Variants in CAMK2D observed in about 807,000 individuals in gnomAD.
CAMK2D encodes calcium/calmodulin dependent protein kinase II delta.
CAMK2D carries 37 observed loss-of-function variants against 84.0 expected under a neutral mutation model. That is an observed-to-expected ratio of 0.44 (90% confidence interval 0.34 to 0.58). The LOEUF (loss-of-function observed/expected upper bound fraction) is 0.58, where lower values mean the gene tolerates loss of function less well. CAMK2D is among the 20% of genes least tolerant of loss of function. The pLI is 0.02. For missense variants in CAMK2D, 448 were observed against 652.5 expected (o/e 0.69, Z 3.41); for synonymous variants, 202 against 212.5 (o/e 0.95, Z 0.43).
chr4:113,515,769 C>T (rs2098276060), intron 9 of CAMK2D, among the ~76,000 whole-genome samples: 1 of 152,200 alleles, frequency 6.6e-6, no homozygotes, highest in South Asian at 2.1e-4. Flanking sequence ...ACAGGAGCTT[C>T]AGCAAGATTT....
At chr4:113,599,615 C>T (rs979840403) in intron 4 of CAMK2D, among the ~76,000 whole-genome samples, 2 of 152,058 alleles carry the variant, frequency 1.3e-5, no homozygotes, top group African/African-American at 4.8e-5. Context: ...GTTGAAAACC[C>T]TTGTATAACT....
intron 2 of CAMK2D, among the ~76,000 whole-genome samples, chr4:113,730,498 G>C (rs916487338): frequency 6.6e-6 from 1 of 152,098 alleles, no homozygotes; most frequent in African/African-American, 2.4e-5. Context: ...ATTTGCTGTA[G>C]GTAGAAAGAC....
At chr4:113,743,266 C>T (rs1440727137) in intron 2 of CAMK2D, among the ~76,000 whole-genome samples, 1 of 152,138 alleles carries the variant, frequency 6.6e-6, no homozygotes, top group African/African-American at 2.4e-5. Context: ...TATTACTAGC[C>T]ATGTGAATTA....
chr4:113,518,100 G>A (rs1560659203), intron 8 of CAMK2D, among the ~76,000 whole-genome samples: 1 of 152,084 alleles, frequency 6.6e-6, no homozygotes, highest in Admixed American at 6.6e-5. Flanking sequence ...TTGAGTGATG[G>A]TGTCCTGGTT....
At chr4:113,517,739 A>G (rs570307648) in intron 8 of CAMK2D, 82 bp from the exon 9 acceptor site, 1 of 699,030 alleles carries the variant, frequency 1.4e-6, no homozygotes, top group South Asian at 1.7e-5. Context: ...AATGATATTA[A>G]GCCGTAGTTG....
At chr4:113,700,908 T>A (rs908126554) in intron 2 of CAMK2D, among the ~76,000 whole-genome samples, 1 of 152,174 alleles carries the variant, frequency 6.6e-6, no homozygotes, top group Non-Finnish European at 1.5e-5. Context: ...TGATCCATCC[T>A]TCAGGAAATA....
At chr4:113,690,530 C>T (rs1428523021) in intron 2 of CAMK2D, among the ~76,000 whole-genome samples, 1 of 152,122 alleles carries the variant, frequency 6.6e-6, no homozygotes, top group Admixed American at 6.5e-5. Flanking sequence ...ACTGAGGCAA[C>T]AGTATTTAAT....
chr4:113,620,825 A>G, intron 3 of CAMK2D, among the ~76,000 whole-genome samples: 1 of 152,292 alleles, frequency 6.6e-6, no homozygotes, highest in African/African-American at 2.4e-5. Flanking sequence ...ATTTTTAAGT[A>G]AATTATATTT....
intron 11 of CAMK2D, among the ~76,000 whole-genome samples, 184 bp from the exon 12 acceptor site, chr4:113,513,554 C>T (rs889612879): frequency 3.3e-5 from 5 of 152,094 alleles, no homozygotes; most frequent in Non-Finnish European, 5.9e-5. Context: ...GATGCTGGGA[C>T]GGCCCTAGTG....
chr4:113,754,886 C>T (rs1202850506), intron 2 of CAMK2D: 3 of 983,184 alleles, frequency 3.1e-6, no homozygotes, highest in East Asian at 1.1e-4. Flanking sequence ...ATTCTATGTA[C>T]AAATATAAAA....
chr4:113,725,280 A>G (rs1438741115), intron 2 of CAMK2D, among the ~76,000 whole-genome samples: 1 of 152,124 alleles, frequency 6.6e-6, no homozygotes, highest in Non-Finnish European at 1.5e-5. Context: ...CCACATAATT[A>G]TGTAAAGATA....
chr4:113,711,579 G>A (rs191492447), intron 2 of CAMK2D, among the ~76,000 whole-genome samples: 1 of 152,236 alleles, frequency 6.6e-6, no homozygotes, highest in Non-Finnish European at 1.5e-5. Context: ...AATAATATTG[G>A]TTTACAATGA....
At chr4:113,503,601 G>C (rs149113348) in intron 14 of CAMK2D, among the ~76,000 whole-genome samples, 7 of 152,150 alleles carry the variant, frequency 4.6e-5, no homozygotes, top group African/African-American at 1.7e-4. Context: ...TACTAATCTA[G>C]AACTAATCAT....
chr4:113,732,819 A>G (rs1386590499), intron 2 of CAMK2D, among the ~76,000 whole-genome samples: 1 of 152,114 alleles, frequency 6.6e-6, no homozygotes, highest in Non-Finnish European at 1.5e-5. Context: ...GTTAATAGCT[A>G]TCTCATCTTC....
At chr4:113,686,891 T>C (rs867941474) in intron 2 of CAMK2D, among the ~76,000 whole-genome samples, 19 of 147,274 alleles carry the variant, frequency 1.3e-4, no homozygotes, top group East Asian at 1.2e-3. Flanking sequence ...CACACACACA[T>C]ACACTTCAAG....
At chr4:113,677,188 G>A (rs2099321988) in intron 2 of CAMK2D, among the ~76,000 whole-genome samples, 1 of 152,128 alleles carries the variant, frequency 6.6e-6, no homozygotes, top group Non-Finnish European at 1.5e-5. Context: ...CATTCCTAAT[G>A]TGCTCAGACT....
At chr4:113,576,284 C>T (rs999551689) in intron 4 of CAMK2D, among the ~76,000 whole-genome samples, 3 of 152,146 alleles carry the variant, frequency 2.0e-5, no homozygotes, top group African/African-American at 7.2e-5. Context: ...TGTTTAGTCC[C>T]ATTAACTTAT....
chr4:113,545,750 T>C (rs1440821564), intron 6 of CAMK2D, among the ~76,000 whole-genome samples: 1 of 152,056 alleles, frequency 6.6e-6, no homozygotes, highest in East Asian at 1.9e-4. Flanking sequence ...AGACAACAAC[T>C]AAAAAAATTA....
At chr4:113,730,657 C>G (rs1214623278) in intron 2 of CAMK2D, among the ~76,000 whole-genome samples, 1 of 152,146 alleles carries the variant, frequency 6.6e-6, no homozygotes, top group East Asian at 1.9e-4. Context: ...CCATACAAAA[C>G]TTTTTTACCC....
Sources: gnomAD v4.1 joint callset for allele counts (sites outside exome capture counted in the v4.1 genomes callset) on GRCh38, gnomAD v4.1.1 for gene constraint, MANE v1.5 for transcripts, NCBI Gene and HGNC (gene_info 2026-07-23, HGNC 2026-07-21) for gene names.